Variants in PCDH7 observed in about 807,000 individuals in gnomAD.
PCDH7 encodes the protein protocadherin 7, also known as protocadherin-7.
A neutral mutation model predicts 58.9 loss-of-function variants in PCDH7; 17 were observed. The ratio of observed to expected loss-of-function variants is 0.29; its 90% confidence interval spans 0.20 to 0.43. The LOEUF (loss-of-function observed/expected upper bound fraction) is 0.43. Ranked by LOEUF, PCDH7 falls within the 20% of genes least tolerant of loss-of-function variation. PCDH7 has a pLI of 1.00. For missense variants in PCDH7, 1,274 were observed against 1,441.0 expected, an observed-to-expected ratio of 0.88 and a Z score of 1.88; for synonymous variants, 664 against 616.4, an observed-to-expected ratio of 1.08 and a Z score of -1.14.
intron 1 of PCDH7, among the ~76,000 whole-genome samples, chr4:30,816,823 G>A (rs1727738220): frequency 6.6e-6 from 1 of 152,128 alleles, no homozygotes; most frequent in Non-Finnish European, 1.5e-5. Context: ...ATATTTATCA[G>A]AAAGAATAGG....
intron 1 of PCDH7, among the ~76,000 whole-genome samples, chr4:30,770,021 T>A (rs1051313168): frequency 2.0e-5 from 3 of 152,214 alleles, no homozygotes; most frequent in African/African-American, 7.2e-5. Context: ...CCGCAGGCTT[T>A]GTACTTGAAA....
chr4:30,893,542 T>G (rs1738886638), intron 1 of PCDH7, among the ~76,000 whole-genome samples: 1 of 152,144 alleles, frequency 6.6e-6, no homozygotes, highest in African/African-American at 2.4e-5. Context: ...GTCAGAAGTT[T>G]AGCACATATT....
intron 1 of PCDH7, among the ~76,000 whole-genome samples, chr4:30,839,846 A>T (rs1292016599): frequency 6.6e-6 from 1 of 152,172 alleles, no homozygotes; most frequent in Non-Finnish European, 1.5e-5. Context: ...CTTTTTAAAG[A>T]TACAGTATAT....
chr4:31,064,116 T>C (rs1464444383), intron 3 of PCDH7, among the ~76,000 whole-genome samples: 1 of 152,012 alleles, frequency 6.6e-6, no homozygotes. Context: ...GTATCAGCAC[T>C]GTTTTCAAAA....
At chr4:31,021,838 T>C (rs1754044073) in intron 3 of PCDH7, among the ~76,000 whole-genome samples, 1 of 152,026 alleles carries the variant, frequency 6.6e-6, no homozygotes, top group Non-Finnish European at 1.5e-5. Context: ...ATCTAGTGAG[T>C]TGCTATGACA....
intron 2 of PCDH7, among the ~76,000 whole-genome samples, chr4:30,934,079 T>G (rs557596641): frequency 7.2e-5 from 11 of 152,218 alleles, no homozygotes; most frequent in Non-Finnish European, 1.5e-4. Context: ...GAGAATTCAA[T>G]TTTGAGAGGC....
intron 3 of PCDH7, among the ~76,000 whole-genome samples, chr4:31,075,155 G>T (rs182798521): frequency 1.2e-3 from 186 of 149,918 alleles, no homozygotes; most frequent in African/African-American, 4.4e-3. Context: ...CCTTCAGAAA[G>T]CCTCTTTTTT....
At chr4:31,104,189 G>A (rs1224587232) in intron 3 of PCDH7, among the ~76,000 whole-genome samples, 1 of 152,192 alleles carries the variant, frequency 6.6e-6, no homozygotes, top group African/African-American at 2.4e-5. Flanking sequence ...AGCTCTTGCA[G>A]TGCAAGCACT....
At chr4:31,111,339 G>T (rs1034707274) in intron 3 of PCDH7, among the ~76,000 whole-genome samples, 1 of 144,514 alleles carries the variant, frequency 6.9e-6, no homozygotes. Flanking sequence ...GCGGAGTCTC[G>T]CTCTGTCGCT....
intron 3 of PCDH7, among the ~76,000 whole-genome samples, chr4:31,057,362 T>C (rs2109232275): frequency 6.6e-6 from 1 of 152,260 alleles, no homozygotes; most frequent in Middle Eastern, 3.4e-3. Flanking sequence ...AGAACAAGCA[T>C]TGTCACTTTC....
chr4:30,812,604 C>A (rs1405333670), intron 1 of PCDH7, among the ~76,000 whole-genome samples: 2 of 152,008 alleles, frequency 1.3e-5, no homozygotes, highest in African/African-American at 4.8e-5. Context: ...GAGCATAAAT[C>A]AAAACTTTAA....
chr4:30,852,321 A>C (rs114179035), intron 1 of PCDH7, among the ~76,000 whole-genome samples: 255 of 152,198 alleles, frequency 1.7e-3, no homozygotes, highest in Non-Finnish European at 1.6e-3. Context: ...AGGATTTAGC[A>C]ATGTGCCTAA....
intron 1 of PCDH7, among the ~76,000 whole-genome samples, chr4:30,915,606 C>T (rs999827985): frequency 2.6e-5 from 4 of 152,126 alleles, no homozygotes; most frequent in Non-Finnish European, 5.9e-5. Flanking sequence ...TCACTGCAAC[C>T]TTTGCCTCCC....
At chr4:30,842,154 C>G (rs1238439559) in intron 1 of PCDH7, among the ~76,000 whole-genome samples, 1 of 152,018 alleles carries the variant, frequency 6.6e-6, no homozygotes, top group Non-Finnish European at 1.5e-5. Flanking sequence ...TTCCAGCTAT[C>G]TACAATATGA....
chr4:31,009,915 A>T (rs976254114), intron 3 of PCDH7, among the ~76,000 whole-genome samples: 8 of 152,008 alleles, frequency 5.3e-5, no homozygotes, highest in Non-Finnish European at 1.0e-4. Context: ...TTTTATTGAC[A>T]TAGGGCCAAA....
intron 1 of PCDH7, among the ~76,000 whole-genome samples, chr4:30,760,553 A>G (rs1021629125): frequency 2.0e-5 from 3 of 152,110 alleles, no homozygotes; most frequent in South Asian, 4.1e-4. Context: ...CACCAACAAC[A>G]GACAAGCAGA....
At chr4:31,005,400 A>G (rs572685628) in intron 3 of PCDH7, among the ~76,000 whole-genome samples, 31 of 152,262 alleles carry the variant, frequency 2.0e-4, no homozygotes, top group Admixed American at 1.3e-3. Context: ...TGGTGAACAC[A>G]TAAGGAATCT....
At chr4:30,909,658 T>G (rs191671428) in intron 1 of PCDH7, among the ~76,000 whole-genome samples, 1 of 152,274 alleles carries the variant, frequency 6.6e-6, no homozygotes, top group East Asian at 1.9e-4. Context: ...TACAAACCAC[T>G]GCTCAAGGAA....
chr4:31,105,321 C>G (rs1417608289), intron 3 of PCDH7, among the ~76,000 whole-genome samples: 1 of 152,046 alleles, frequency 6.6e-6, no homozygotes, highest in East Asian at 1.9e-4. Flanking sequence ...TAGCAATATT[C>G]TATTTAACAT....
Sources: allele counts gnomAD v4.1 joint callset (sites outside exome capture counted in the v4.1 genomes callset), GRCh38; gene constraint gnomAD v4.1.1; transcripts MANE v1.5; gene names NCBI Gene and HGNC (gene_info 2026-07-23, HGNC 2026-07-21).